Variants in WHRN observed in about 807,000 individuals in gnomAD.
WHRN encodes whirlin.
A neutral mutation model predicts 68.3 loss-of-function variants in WHRN; 41 were observed. The ratio of observed to expected loss-of-function variants is 0.60; its 90% CI spans 0.47 to 0.78. The LOEUF (loss-of-function observed/expected upper bound fraction) is 0.78, where lower values mean the gene tolerates loss of function less well. WHRN is among the 30% of genes least tolerant of loss of function. The probability of loss-of-function intolerance (pLI) is 0.00; values close to 1 mark genes in which losing one functional copy is unlikely to be tolerated. For synonymous variants in WHRN, 560 were observed against 561.3 expected, an observed-to-expected ratio of 1.00 and a Z score of 0.03; for missense variants, 1,243 against 1,244.7, an observed-to-expected ratio of 1.00 and a Z score of 0.02.
At chr9:114,448,737 T>C (rs535251889) in intron 3 of WHRN, among the ~76,000 whole-genome samples, 105 of 152,274 alleles carry the variant, frequency 6.9e-4, no homozygotes, top group African/African-American at 2.4e-3. Context: ...CTCCAGCCCA[T>C]AGCCAACATC....
At chr9:114,502,865 T>C (rs1387071123) in intron 1 of WHRN, among the ~76,000 whole-genome samples, 4 of 152,168 alleles carry the variant, frequency 2.6e-5, no homozygotes, top group African/African-American at 7.2e-5. Context: ...TTTATAAATA[T>C]ATGGAATGCT....
chr9:114,495,300 G>A lies in WHRN; in HGVS notation c.618+8884C>T, dbSNP rs542089655. ...CGGTCAACAGGATGGACATCAGACC[G>A]GTGGGCAGACGAGCAAGACAGGAGA... On this transcript the variant is annotated intron_variant, in intron 1 of 11. Transcript: ENST00000362057. Among the ~76,000 whole-genome samples the A allele has an allele frequency of 2.0e-5, 3 of 152,322 alleles. No homozygotes were observed. The South Asian group carries it at 6.2e-4, about 32-fold the overall frequency.
chr9:114,485,128 C>A (rs1041081909), intron 1 of WHRN, among the ~76,000 whole-genome samples: 6 of 152,208 alleles, frequency 3.9e-5, no homozygotes, highest in African/African-American at 9.7e-5. Context: ...AGTCACCCAG[C>A]TTATTTCAGG....
chr9:114,483,081 G>A (rs1159442794), intron 1 of WHRN, among the ~76,000 whole-genome samples: 3 of 152,194 alleles, frequency 2.0e-5, no homozygotes, highest in African/African-American at 4.8e-5. Context: ...CCACTCAAGC[G>A]TAGACCATTC....
intron 1 of WHRN, among the ~76,000 whole-genome samples, chr9:114,486,529 A>G (rs1842484865): frequency 6.6e-6 from 1 of 152,204 alleles, no homozygotes; most frequent in Non-Finnish European, 1.5e-5. Flanking sequence ...GTTGAACAAG[A>G]TATTCAATGA....
At chr9:114,411,399 C>A (rs1465750820) in intron 7 of WHRN, among the ~76,000 whole-genome samples, 1 of 152,176 alleles carries the variant, frequency 6.6e-6, no homozygotes, top group Admixed American at 6.5e-5. Context: ...ACAAGGGGAG[C>A]CTCTGCCACA....
intron 2 of WHRN, among the ~76,000 whole-genome samples, chr9:114,473,304 C>G (rs1189397696): frequency 1.3e-5 from 2 of 152,182 alleles, no homozygotes; most frequent in East Asian, 3.9e-4. Flanking sequence ...AGATGCTGAC[C>G]AAGATGACTG....
At chr9:114,439,974 G>A (rs1475231671) in intron 3 of WHRN, among the ~76,000 whole-genome samples, 2 of 152,172 alleles carry the variant, frequency 1.3e-5, no homozygotes, top group Non-Finnish European at 2.9e-5. Context: ...GTGCAGTGGT[G>A]TGATCTCAGC....
intron 1 of WHRN, among the ~76,000 whole-genome samples, chr9:114,501,599 G>A (rs1364791665): frequency 2.1e-5 from 3 of 142,156 alleles, no homozygotes; most frequent in East Asian, 2.1e-4. Context: ...GAATCTCTCC[G>A]TTTGGGAAGC....
intron 7 of WHRN, 106 bp downstream of exon 7, chr9:114,423,207 TG>T (rs1836471517): frequency 8.6e-7 from 1 of 1,167,004 alleles, no homozygotes; most frequent in African/African-American, 1.5e-5. Context: ...GGCACACAGC[TG>T]GTAAGTGGTG....
chr9:114,496,198 T>C (rs1843443097), intron 1 of WHRN, among the ~76,000 whole-genome samples: 1 of 152,208 alleles, frequency 6.6e-6, no homozygotes, highest in Non-Finnish European at 1.5e-5. Context: ...AACGAAGTTA[T>C]GGATGCAGCT....
At chr9:114,425,236 G>A (rs1417535018) in intron 4 of WHRN, 3 of 689,988 alleles carry the variant, frequency 4.3e-6, no homozygotes, top group Non-Finnish European at 7.9e-6. Flanking sequence ...TCAGCAGTGT[G>A]CACGGCACCT....
intron 1 of WHRN, among the ~76,000 whole-genome samples, chr9:114,497,434 C>A (rs1256272581): frequency 1.3e-5 from 2 of 151,306 alleles, no homozygotes; most frequent in African/African-American, 2.4e-5. Flanking sequence ...AGCTTTTAAG[C>A]ATATGTGTGG....
At chr9:114,434,048 G>C (rs1837638453) in intron 3 of WHRN, among the ~76,000 whole-genome samples, 1 of 152,166 alleles carries the variant, frequency 6.6e-6, no homozygotes, top group African/African-American at 2.4e-5. Flanking sequence ...TCTGAGTCAA[G>C]GTCAAACCTG....
At chr9:114,444,795 A>AATAT (rs755390635) in intron 3 of WHRN, among the ~76,000 whole-genome samples, 3 of 150,298 alleles carry the variant, frequency 2.0e-5, no homozygotes, top group Admixed American at 1.3e-4. Flanking sequence ...CTATATATAT[A>AATAT]ATATATATAT....
chr9:114,470,056 C>T (rs561556196), intron 2 of WHRN, among the ~76,000 whole-genome samples: 6 of 152,332 alleles, frequency 3.9e-5, no homozygotes, highest in East Asian at 1.9e-4. Flanking sequence ...CAATCCCCCA[C>T]GTCAAGACCA....
chr9:114,436,487 CTG>C (rs1837862544), intron 3 of WHRN, among the ~76,000 whole-genome samples: 1 of 152,148 alleles, frequency 6.6e-6, no homozygotes. Context: ...AATGGGAACT[CTG>C]TAGTTCCCAC....
chr9:114,421,604 C>T (rs1449544092), intron 7 of WHRN, among the ~76,000 whole-genome samples: 3 of 152,356 alleles, frequency 2.0e-5, no homozygotes, highest in East Asian at 3.9e-4. Flanking sequence ...TGCAGTTTCC[C>T]AGGTTTTAGA....
intron 1 of WHRN, among the ~76,000 whole-genome samples, chr9:114,491,054 CA>C (rs1842932043): frequency 6.6e-6 from 1 of 152,116 alleles, no homozygotes; most frequent in Non-Finnish European, 1.5e-5. Flanking sequence ...TATATTCACT[CA>C]AGATGAGCCC....
Sources: allele counts gnomAD v4.1 joint callset (sites outside exome capture counted in the v4.1 genomes callset), GRCh38; gene constraint gnomAD v4.1.1; transcripts MANE v1.5; gene names NCBI Gene and HGNC (gene_info 2026-07-23, HGNC 2026-07-21).